The following CRISP2 variants were observed in gnomAD, a reference collection of about 807,000 sequenced individuals.
CRISP2 encodes cysteine-rich secretory protein 2.
CRISP2 carries 29 observed loss-of-function variants against 31.7 expected under a neutral mutation model. That is an observed-to-expected ratio of 0.92 (90% CI 0.68 to 1.25). The LOEUF (loss-of-function observed/expected upper bound fraction) is 1.25. Among genes scored for constraint, CRISP2 ranks in the 50% most tolerant of loss-of-function variants. CRISP2 has a pLI of 0.00. For missense variants in CRISP2, 318 were observed against 286.5 expected, an observed-to-expected ratio of 1.11 and a Z score of -0.79; for synonymous variants, 111 against 101.4, an observed-to-expected ratio of 1.09 and a Z score of -0.57.
chr6:49,700,443 TC>T (rs1380203538), intron 5 of CRISP2, among the ~76,000 whole-genome samples: 7 of 152,172 alleles, frequency 4.6e-5, no homozygotes, highest in African/African-American at 1.4e-4. Flanking sequence ...ATATTTGACT[TC>T]CAATTATGCC....
chr6:49,700,684 C>T lies in CRISP2; in HGVS notation c.167G>A (p.Ser56Asn). The T allele has an allele frequency of 1.2e-6, 2 of 1,606,340 alleles. No individual in the cohort carries two copies. The highest frequency in any genetic ancestry group is 1.1e-5 in the South Asian group (1 of 90,834). ...ELRKAVSPPA[S>N]NMLKMEWSRE... ...GCCTCTTACCATCTTTAGCATGTTACTGGCAGGTGGAGAGACTGCTTTCCT... is the reference window on the plus strand; with the variant it reads ...GCCTCTTACCATCTTTAGCATGTTATTGGCAGGTGGAGAGACTGCTTTCCT... The change falls in exon 5 of 10, where the codon AGT becomes AAT. Residue 56 changes from serine to asparagine, a missense_variant. Transcript: ENST00000339139.
At chr6:49,689,091 G>T, downstream of CRISP2, among the ~76,000 whole-genome samples, 1 of 151,964 alleles carries the variant, frequency 6.6e-6, no homozygotes, top group East Asian at 1.9e-4. Context: ...AGGCTGACCT[G>T]ATCCTGACCT....
At position 49,700,779 on chromosome 6, in the gene CRISP2, G is replaced by A. The variant is rs765069886; in HGVS notation, c.72C>T (p.Pro24=). Residue 24 remains proline, a synonymous_variant, in exon 5 of 10, where the codon CCC becomes CCT. Coordinates refer to ENST00000339139, the MANE Select transcript of CRISP2 (RefSeq NM_003296.4). Reference sequence around the variant, plus strand: ...GGGTGGTTAACAAAGCAGTAAAAGCGGGATCCTAAAAGAAAATAAAATTGG... The same window carrying A: ...GGGTGGTTAACAAAGCAGTAAAAGCAGGATCCTAAAAGAAAATAAAATTGG... ...LPSLPAEGKD[P]AFTALLTTQL... 6.9e-6 allele frequency: 11 copies of A among 1,590,390 alleles called. No homozygotes were observed. Among genetic ancestry groups the A allele is most frequent in the South Asian group, 1.1e-5 (1 of 89,466 alleles).
intron 7 of CRISP2, 99 bp downstream of exon 7, chr6:49,698,263 A>C: frequency 7.3e-7 from 1 of 1,367,318 alleles, no homozygotes; most frequent in Non-Finnish European, 1.0e-6. Flanking sequence ...ACCCACTCGG[A>C]CTGTTCTCCT....
intron 9 of CRISP2, among the ~76,000 whole-genome samples, chr6:49,694,434 C>T (rs1165504661): frequency 2.0e-5 from 3 of 152,144 alleles, no homozygotes; most frequent in Non-Finnish European, 4.4e-5. Flanking sequence ...TCTAGAGGCC[C>T]ACCAATCTGG....
chr6:49,701,624 A>G (rs1269053578), intron 4 of CRISP2, among the ~76,000 whole-genome samples: 1 of 86,580 alleles, frequency 1.2e-5, no homozygotes, highest in Middle Eastern at 6.3e-3. Flanking sequence ...ATATATATAC[A>G]TTATATATGT....
At chr6:49,685,820 T>C in the CRISP2 span, among the ~76,000 whole-genome samples, 1 of 152,198 alleles carries the variant, frequency 6.6e-6, no homozygotes, top group African/African-American at 2.4e-5. Context: ...TATCCTGTTT[T>C]TGGGCTTTCC....
chr6:49,692,618 G>T lies in CRISP2; in HGVS notation c.*155C>A. ...TACTATGCTACTTTTGTAAATCATT[G>T]CCTGAAAGTGATTTCTGTGATGATC... On this transcript the variant is annotated 3_prime_UTR_variant, in exon 10 of 10. Transcript: ENST00000339139. The T allele has an allele frequency of 1.5e-5, 10 of 662,280 alleles. 1 individual carries two copies. The South Asian group carries it at 2.7e-4, about 18-fold the overall frequency. 41.0% of individuals were successfully genotyped at this position (662,280 alleles called of 1,614,324 possible).
At chr6:49,682,410 T>A in the CRISP2 span, among the ~76,000 whole-genome samples, 2 of 151,958 alleles carry the variant, frequency 1.3e-5, no homozygotes, top group Non-Finnish European at 2.9e-5. Context: ...TATAACATAC[T>A]CTAGTTATCT....
intron 4 of CRISP2, among the ~76,000 whole-genome samples, chr6:49,707,371 T>G (rs1252870434): frequency 1.3e-5 from 2 of 152,188 alleles, no homozygotes; most frequent in African/African-American, 4.8e-5. Flanking sequence ...TTCTGAAAGA[T>G]GAACAGAGTT....
chr6:49,707,735 C>T (rs1287386858), intron 4 of CRISP2, among the ~76,000 whole-genome samples: 3 of 152,116 alleles, frequency 2.0e-5, no homozygotes, highest in Non-Finnish European at 2.9e-5. Flanking sequence ...AAAGTCCTAG[C>T]GAGTCTAATG....
At position 49,698,527 on chromosome 6, in the gene CRISP2, T is replaced by G; in HGVS notation, c.272-20A>C. 1 of 1,586,920 alleles carries G rather than the reference T, an allele frequency of 6.3e-7. No individual in the cohort carries two copies. Among genetic ancestry groups the G allele is most frequent in the Non-Finnish European group, 8.5e-7 (1 of 1,171,992 alleles). On this transcript the variant is annotated intron_variant, in intron 6 of 9. Transcript: ENST00000339139. ...TTGTACCTAAGGGGCAGATCATTCA[T>G]GAGCAAGGTAATAAACATGCAATGG... is the stretch of plus-strand genomic sequence containing the variant.
chr6:49,681,199 A>G, the CRISP2 span, among the ~76,000 whole-genome samples: 5 of 152,060 alleles, frequency 3.3e-5, no homozygotes, highest in Non-Finnish European at 7.4e-5. Flanking sequence ...TCCAGTTTTA[A>G]TCTTCTACAT....
chr6:49,692,478 G>C lies in CRISP2; in HGVS notation c.*295C>G, dbSNP rs1225812769. The C allele has an allele frequency of 9.3e-6, 2 of 215,156 alleles. No individual in the cohort carries two copies. Among genetic ancestry groups the C allele is most frequent in the Non-Finnish European group, 1.8e-5 (2 of 108,868 alleles). 13.3% of individuals were successfully genotyped at this position (215,156 alleles called of 1,614,324 possible). ...CAGGAAATACGTAATGCACCATTTTGATCCAAAGTCCTAGTGACCTAAATC... is the reference window on the plus strand; with the variant it reads ...CAGGAAATACGTAATGCACCATTTTCATCCAAAGTCCTAGTGACCTAAATC... On this transcript the variant is annotated 3_prime_UTR_variant, in exon 10 of 10. Coordinates refer to ENST00000339139, the MANE Select transcript of CRISP2 (RefSeq NM_003296.4).
rs774235367 is a variant in CRISP2, at chr6:49,692,915, G to A, written c.605-15C>T. Reference sequence around the variant, plus strand: ...GCAACTATTGGCTGTAACAAAAACAGATTAGTTAACTCATTATCGTTTTCC... The same window carrying A: ...GCAACTATTGGCTGTAACAAAAACAAATTAGTTAACTCATTATCGTTTTCC... On this transcript the variant is annotated splice_polypyrimidine_tract_variant and intron_variant, in intron 9 of 9. Coordinates refer to ENST00000339139, the MANE Select transcript of CRISP2 (RefSeq NM_003296.4). The A allele has an allele frequency of 1.9e-6, 3 of 1,612,044 alleles. No homozygotes were observed. In the African/African-American group the frequency reaches 4.0e-5, roughly 22 times the overall value.
At chr6:49,697,618 C>A in intron 8 of CRISP2, 1 of 1,024,930 alleles carries the variant, frequency 9.8e-7, no homozygotes, top group Non-Finnish European at 1.4e-6. Flanking sequence ...GAGGGAAGGC[C>A]AATTGAAAGA....
At chr6:49,678,318 G>A in the CRISP2 span, among the ~76,000 whole-genome samples, 1 of 152,062 alleles carries the variant, frequency 6.6e-6, no homozygotes, top group African/African-American at 2.4e-5. Flanking sequence ...GTTCACATGA[G>A]CAGTGTTGTG....
chr6:49,693,554 CAAATT>C (rs1225889208), intron 9 of CRISP2, among the ~76,000 whole-genome samples: 1 of 152,094 alleles, frequency 6.6e-6, no homozygotes, highest in Non-Finnish European at 1.5e-5. Context: ...CAATAAAACT[CAAATT>C]AAACTCCTTG....
At chr6:49,677,046 A>G in the CRISP2 span, among the ~76,000 whole-genome samples, 1 of 152,306 alleles carries the variant, frequency 6.6e-6, no homozygotes, top group South Asian at 2.1e-4. Flanking sequence ...ACCAGTTACA[A>G]GGAAGAGGAC....
Sources: allele counts gnomAD v4.1 joint callset (sites outside exome capture counted in the v4.1 genomes callset), GRCh38; gene constraint gnomAD v4.1.1; transcripts MANE v1.5; gene names NCBI Gene and HGNC (gene_info 2026-07-23, HGNC 2026-07-21).